The following LARP1B variants were observed in gnomAD, a reference collection of about 807,000 sequenced individuals.
The protein encoded by LARP1B is La ribonucleoprotein 1B.
Under a neutral mutation model 114.2 loss-of-function variants are expected in LARP1B, and 76 were observed. The ratio of observed to expected loss-of-function variants is 0.67; its 90% CI spans 0.55 to 0.81. The LOEUF (loss-of-function observed/expected upper bound fraction) is 0.81. Among genes scored for constraint, LARP1B ranks in the 30% least tolerant of loss-of-function variants. The pLI is 0.00. For missense variants in LARP1B, 1,014 were observed against 1,075.8 expected (o/e 0.94, Z 0.80); for synonymous variants, 345 against 348.0 (o/e 0.99, Z 0.10).
chr4:128,113,492 C>T (rs1459204003), intron 9 of LARP1B, among the ~76,000 whole-genome samples: 1 of 151,654 alleles, frequency 6.6e-6, no homozygotes, highest in East Asian at 1.9e-4. Context: ...AGGTGCTCAC[C>T]ACCAGGCCTG....
At chr4:128,151,578 A>T (rs770532926) in intron 11 of LARP1B, among the ~76,000 whole-genome samples, 2 of 151,178 alleles carry the variant, frequency 1.3e-5, no homozygotes, top group South Asian at 4.2e-4. Flanking sequence ...GATTTGCCCG[A>T]TATCTTTATA....
At chr4:128,202,366 C>A (rs971672486) in intron 17 of LARP1B, among the ~76,000 whole-genome samples, 3 of 152,102 alleles carry the variant, frequency 2.0e-5, no homozygotes, top group Non-Finnish European at 4.4e-5. Context: ...TAGAAAATAC[C>A]AGACTGCACT....
At chr4:128,111,876 A>T (rs1381573098) in intron 9 of LARP1B, among the ~76,000 whole-genome samples, 4 of 149,878 alleles carry the variant, frequency 2.7e-5, no homozygotes, top group African/African-American at 9.8e-5. Context: ...TTTTTAGTAG[A>T]GACGGGGTTT....
chr4:128,107,941 T>A, intron 9 of LARP1B: 1 of 1,534,958 alleles, frequency 6.5e-7, no homozygotes, highest in South Asian at 1.2e-5. Context: ...TGCAGTGGAA[T>A]AGGTGACTCA....
At chr4:128,132,982 A>C (rs909228853) in intron 11 of LARP1B, among the ~76,000 whole-genome samples, 16 of 152,030 alleles carry the variant, frequency 1.1e-4, no homozygotes, top group African/African-American at 3.4e-4. Flanking sequence ...TGCAACCTAG[A>C]TTCCTCGCAT....
intron 11 of LARP1B, among the ~76,000 whole-genome samples, chr4:128,137,793 T>A (rs75649387): frequency 0.039 from 1,179 of 30,478 alleles, 8 homozygotes; most frequent in Middle Eastern, 0.14. Flanking sequence ...ATATATATAT[T>A]TTTTTTTTAG....
chr4:128,073,229 A>G (rs1326203205), intron 1 of LARP1B, among the ~76,000 whole-genome samples: 4 of 151,680 alleles, frequency 2.6e-5, no homozygotes, highest in African/African-American at 9.7e-5. Context: ...GCCTGGCTAA[A>G]ATGGTGAAAC....
At chr4:128,101,300 T>C (rs908651627) in intron 8 of LARP1B, among the ~76,000 whole-genome samples, 1 of 143,928 alleles carries the variant, frequency 6.9e-6, no homozygotes, top group South Asian at 2.1e-4. Flanking sequence ...ATGGTCAAAC[T>C]CTGTCTCTAC....
At chr4:128,065,193 C>CATAGTGTAGTG (rs1553982127) in intron 1 of LARP1B, among the ~76,000 whole-genome samples, 1 of 150,968 alleles carries the variant, frequency 6.6e-6, no homozygotes, top group African/African-American at 2.4e-5. Context: ...TCAGACCTGG[C>CATAGTGTAGTG]ATAGTGTAGT....
chr4:128,138,295 A>G (rs1449093709), intron 11 of LARP1B, among the ~76,000 whole-genome samples: 1 of 152,210 alleles, frequency 6.6e-6, no homozygotes, highest in East Asian at 1.9e-4. Context: ...CAGAAATTTT[A>G]AAATGTAATT....
intron 8 of LARP1B, among the ~76,000 whole-genome samples, chr4:128,098,811 T>TCTGTTGC (rs1386046967): frequency 7.7e-6 from 1 of 130,008 alleles, no homozygotes; most frequent in East Asian, 2.4e-4. Flanking sequence ...AGTGTCTCAC[T>TCTGTTGC]CTGTTGCCCA....
At chr4:128,115,991 T>G (rs1785662447) in intron 10 of LARP1B, among the ~76,000 whole-genome samples, 1 of 152,212 alleles carries the variant, frequency 6.6e-6, no homozygotes, top group Non-Finnish European at 1.5e-5. Context: ...GTTACACTCA[T>G]GTTAATTATT....
chr4:128,092,886 G>T, intron 7 of LARP1B: 1 of 985,414 alleles, frequency 1.0e-6, no homozygotes, highest in Non-Finnish European at 1.2e-6. Flanking sequence ...TTGCTGCCAA[G>T]TCCCTTCTGA....
At chr4:128,151,183 A>AT (rs1451165473) in intron 11 of LARP1B, among the ~76,000 whole-genome samples, 1 of 152,086 alleles carries the variant, frequency 6.6e-6, no homozygotes, top group Admixed American at 6.5e-5. Flanking sequence ...ATATATATAC[A>AT]TTTTTTCCTG....
intron 12 of LARP1B, among the ~76,000 whole-genome samples, chr4:128,172,126 G>A (rs1743981341): frequency 6.6e-6 from 1 of 151,544 alleles, no homozygotes. Context: ...TGTCTCACAG[G>A]TTCTTAAGGA....
intron 17 of LARP1B, among the ~76,000 whole-genome samples, chr4:128,206,097 C>A (rs530441534): frequency 7.9e-5 from 12 of 152,178 alleles, no homozygotes; most frequent in Non-Finnish European, 1.6e-4. Context: ...TTGAGACCAG[C>A]CTGGCCAACA....
chr4:128,177,971 A>G (rs1332959659), intron 13 of LARP1B, among the ~76,000 whole-genome samples: 1 of 151,668 alleles, frequency 6.6e-6, no homozygotes, highest in Non-Finnish European at 1.5e-5. Flanking sequence ...ACCACATACT[A>G]TTCAGCAATG....
chr4:128,073,356 C>T (rs2149369223), intron 1 of LARP1B, among the ~76,000 whole-genome samples: 1 of 120,646 alleles, frequency 8.3e-6, no homozygotes, highest in South Asian at 2.9e-4. Flanking sequence ...GGGGAGGTTG[C>T]AGTGAGCCAA....
intron 11 of LARP1B, chr4:128,155,793 G>A (rs189759924): frequency 1.7e-5 from 27 of 1,590,464 alleles, no homozygotes; most frequent in Middle Eastern, 3.4e-4. Context: ...TCCTGCAGGC[G>A]GAGACTGATA....
Sources: allele counts gnomAD v4.1 joint callset (sites outside exome capture counted in the v4.1 genomes callset), GRCh38; gene constraint gnomAD v4.1.1; transcripts MANE v1.5; gene names NCBI Gene and HGNC (gene_info 2026-07-23, HGNC 2026-07-21).